PPP1R12A: variants seen among roughly 807,000 people sequenced by gnomAD.
PPP1R12A encodes myosin binding subunit.
PPP1R12A carries 19 observed loss-of-function variants against 139.6 expected under a neutral mutation model. The observed-to-expected ratio is 0.14, with a 90% CI of 0.09 to 0.20. The LOEUF (loss-of-function observed/expected upper bound fraction) is 0.20, where lower values mean the gene tolerates loss of function less well. Among genes scored for constraint, PPP1R12A ranks in the 10% least tolerant of loss-of-function variants. The probability of loss-of-function intolerance (pLI) is 1.00; values close to 1 mark genes in which losing one functional copy is unlikely to be tolerated. For synonymous variants in PPP1R12A, 427 were observed against 420.6 expected (o/e 1.02, Z -0.19); for missense variants, 925 against 1,211.5 (o/e 0.76, Z 3.51).
intron 8 of PPP1R12A, among the ~76,000 whole-genome samples, chr12:79,820,197 A>T (rs1875925571): frequency 6.6e-6 from 1 of 152,220 alleles, no homozygotes; most frequent in Non-Finnish European, 1.5e-5. Context: ...CAAAAAAGAC[A>T]TCTATAATGT....
chr12:79,899,546 G>T (rs1271249795), intron 1 of PPP1R12A, among the ~76,000 whole-genome samples: 1 of 151,964 alleles, frequency 6.6e-6, no homozygotes, highest in Non-Finnish European at 1.5e-5. Flanking sequence ...CATTCATGTT[G>T]TTGTGGTTAT....
At chr12:79,881,949 A>G (rs1052800559) in intron 1 of PPP1R12A, among the ~76,000 whole-genome samples, 1 of 152,204 alleles carries the variant, frequency 6.6e-6, no homozygotes, top group African/African-American at 2.4e-5. Flanking sequence ...ATGGCAGCAC[A>G]TCTGTTTACA....
intron 1 of PPP1R12A, among the ~76,000 whole-genome samples, chr12:79,928,265 T>C (rs955798609): frequency 3.5e-4 from 53 of 152,304 alleles, no homozygotes; most frequent in African/African-American, 1.3e-3. Flanking sequence ...GTCTTGGTTA[T>C]GACACCTCAA....
intron 2 of PPP1R12A, among the ~76,000 whole-genome samples, chr12:79,854,174 T>C (rs1358179281): frequency 6.6e-6 from 1 of 152,034 alleles, no homozygotes; most frequent in Non-Finnish European, 1.5e-5. Context: ...AAGCAAGCAA[T>C]GTTATATACT....
At chr12:79,862,906 C>G (rs138253975) in intron 2 of PPP1R12A, among the ~76,000 whole-genome samples, 15,776 of 152,126 alleles carry the variant, frequency 0.1, 2,214 homozygotes, top group African/African-American at 0.32. Context: ...AGGATATTAT[C>G]CAGGAGAACT....
At chr12:79,875,206 C>A (rs938141115) in intron 1 of PPP1R12A, among the ~76,000 whole-genome samples, 5 of 152,172 alleles carry the variant, frequency 3.3e-5, no homozygotes, top group African/African-American at 1.2e-4. Context: ...CATAAACACA[C>A]TCCATTTACC....
intron 17 of PPP1R12A, 48 bp from the exon 18 acceptor site, chr12:79,795,807 T>C (rs749921049): frequency 2.7e-5 from 42 of 1,575,726 alleles, no homozygotes; most frequent in Non-Finnish European, 3.3e-5. Context: ...ATCTTGACAA[T>C]ATTTTGCAAG....
intron 1 of PPP1R12A, among the ~76,000 whole-genome samples, chr12:79,893,525 T>C (rs1884852764): frequency 1.3e-5 from 2 of 152,186 alleles, no homozygotes; most frequent in Admixed American, 1.3e-4. Flanking sequence ...AATCAAATGC[T>C]GAAGGAAAGA....
chr12:79,844,611 A>C lies in PPP1R12A; in HGVS notation c.487+691T>G, dbSNP rs558598956. On this transcript the variant is annotated intron_variant, in intron 3 of 24. Coordinates refer to ENST00000450142, the MANE Select transcript of PPP1R12A (RefSeq NM_002480.3). ...CTCCTACTTCTGTCCTTGTCTTCCT[A>C]CAATCTATTTTCAACACAAGAGCCA... is the stretch of plus-strand genomic sequence containing the variant. Among the ~76,000 whole-genome samples the C allele has an allele frequency of 5.3e-5, 8 of 152,222 alleles. No individual in the cohort carries two copies. The South Asian group carries it at 1.7e-3, about 32-fold the overall frequency.
chr12:79,884,564 G>C (rs975458811), intron 1 of PPP1R12A, among the ~76,000 whole-genome samples: 1 of 152,048 alleles, frequency 6.6e-6, no homozygotes, highest in Non-Finnish European at 1.5e-5. Flanking sequence ...ATTGTTGCTA[G>C]GAGAATCAAA....
chr12:79,803,850 A>G (rs960284623), intron 14 of PPP1R12A, among the ~76,000 whole-genome samples: 1 of 152,122 alleles, frequency 6.6e-6, no homozygotes, highest in African/African-American at 2.4e-5. Context: ...GTCTTCCATT[A>G]AAACTAATTA....
intron 1 of PPP1R12A, among the ~76,000 whole-genome samples, chr12:79,883,145 CAAACA>C (rs1274257643): frequency 1.3e-5 from 2 of 152,012 alleles, no homozygotes; most frequent in Non-Finnish European, 2.9e-5. Flanking sequence ...AAAACAAAAA[CAAACA>C]AAACAAAACA....
intron 16 of PPP1R12A, 47 bp from the exon 17 acceptor site, chr12:79,796,997 TA>T (rs765930230): frequency 3.3e-6 from 5 of 1,521,776 alleles, no homozygotes; most frequent in Non-Finnish European, 4.4e-6. Flanking sequence ...TAAACACAAT[TA>T]AAAACATAAA....
intron 14 of PPP1R12A, among the ~76,000 whole-genome samples, chr12:79,800,772 C>T (rs1244368814): frequency 3.4e-5 from 5 of 146,114 alleles, no homozygotes; most frequent in African/African-American, 7.6e-5. Context: ...CTCGCTCTGT[C>T]GCCCAGGCTA....
chr12:79,822,223 CAA>C (rs758585530), intron 5 of PPP1R12A, 33 bp from the exon 6 acceptor site: 3 of 1,426,000 alleles, frequency 2.1e-6, no homozygotes, highest in African/African-American at 2.8e-5. Context: ...TGGTGATGGT[CAA>C]AAGTCAATAA....
At chr12:79,915,678 T>G (rs1886934749) in intron 1 of PPP1R12A, among the ~76,000 whole-genome samples, 4 of 152,156 alleles carry the variant, frequency 2.6e-5, no homozygotes, top group African/African-American at 9.7e-5. Context: ...ACCCACTATT[T>G]TATGCTTTTT....
intron 24 of PPP1R12A, chr12:79,777,663 C>T: frequency 1.0e-6 from 1 of 979,882 alleles, no homozygotes; most frequent in Non-Finnish European, 1.2e-6. Context: ...CTGCAGGAAT[C>T]AGAACATAAA....
intron 1 of PPP1R12A, among the ~76,000 whole-genome samples, chr12:79,924,833 T>C (rs1887709273): frequency 6.6e-6 from 1 of 152,174 alleles, no homozygotes; most frequent in Non-Finnish European, 1.5e-5. Context: ...AAATGAACAG[T>C]ACTTTAGGTT....
At chr12:79,850,596 T>C (rs1879928056) in intron 2 of PPP1R12A, among the ~76,000 whole-genome samples, 1 of 152,158 alleles carries the variant, frequency 6.6e-6, no homozygotes, top group East Asian at 1.9e-4. Flanking sequence ...ATATATTTAG[T>C]GTCCAAATTT....
Sources: gnomAD v4.1 joint callset for allele counts (sites outside exome capture counted in the v4.1 genomes callset) on GRCh38, gnomAD v4.1.1 for gene constraint, MANE v1.5 for transcripts, NCBI Gene and HGNC (gene_info 2026-07-23, HGNC 2026-07-21) for gene names.